The following MED21 variants were observed in gnomAD, a reference collection of about 807,000 sequenced individuals.
MED21 encodes mediator of RNA polymerase II transcription subunit 21.
MED21 carries 9 observed loss-of-function variants against 18.2 expected under a neutral mutation model. The observed-to-expected ratio is 0.49, with a 90% CI of 0.30 to 0.86. The LOEUF is 0.86. MED21 is among the 40% of genes least tolerant of loss of function. The probability of loss-of-function intolerance (pLI) is 0.07; values close to 1 mark genes in which losing one functional copy is unlikely to be tolerated. For synonymous variants in MED21, 73 were observed against 60.5 expected (o/e 1.21, Z -0.96); for missense variants, 150 against 170.9 (o/e 0.88, Z 0.68).
rs916729111 is a variant in MED21, at chr12:27,026,680, A to T, written c.157+146A>T. On this transcript the variant is annotated intron_variant, in intron 2 of 3. Coordinates refer to ENST00000282892, the MANE Select transcript of MED21 (RefSeq NM_004264.5). The stretch of plus-strand genomic sequence containing the variant: ...TTACAAGTTTTGTTTGTTGTAAAAA[A>T]TTTACAGTCAATTCACCTAACATCT... 5.8e-6 allele frequency: 4 copies of T among 684,956 alleles called. No individual in the cohort carries two copies. The African/African-American group carries it at 7.3e-5, about 13-fold the overall frequency. The allele number at this position is 684,956 out of a possible 1,614,324, so 42.4% of individuals were successfully genotyped here.
downstream of MED21, among the ~76,000 whole-genome samples, chr12:27,034,891 C>T (rs976273296): frequency 1.3e-5 from 2 of 152,172 alleles, no homozygotes; most frequent in Admixed American, 6.5e-5. Context: ...GCTGGGATTA[C>T]AGGCACCTGT....
chr12:27,035,228 C>G (rs1223585899), downstream of MED21, among the ~76,000 whole-genome samples: 2 of 152,066 alleles, frequency 1.3e-5, no homozygotes, highest in African/African-American at 4.8e-5. Context: ...ATAAAAACAA[C>G]AGGCAGTAAT....
chr12:27,025,488 A>G (rs1396672025), intron 1 of MED21, among the ~76,000 whole-genome samples: 1 of 152,232 alleles, frequency 6.6e-6, no homozygotes, highest in Non-Finnish European at 1.5e-5. Context: ...CTGGAAAACA[A>G]CAAGAAGACT....
At chr12:27,023,143 T>G (rs927464109) in intron 1 of MED21, among the ~76,000 whole-genome samples, 1 of 151,936 alleles carries the variant, frequency 6.6e-6, no homozygotes, top group African/African-American at 2.4e-5. Flanking sequence ...GGTGAGAGAT[T>G]TTCTTTCATC....
In MED21 at chr12:27,030,296, A is replaced by ATT; in HGVS notation, c.*1844_*1845dup. On this transcript the variant is annotated 3_prime_UTR_variant, in exon 4 of 4. Transcript: ENST00000282892. ...AGGCATGTACTACCACGTCCAGCTA[A>ATT]TTTTTTTTTTCTTTTTTTTTTAGAG... is the stretch of plus-strand genomic sequence containing the variant. 9 of 462,550 alleles carry ATT rather than the reference A, an allele frequency of 1.9e-5. No individual in the cohort carries two copies. Among genetic ancestry groups the ATT allele is most frequent in the South Asian group, 1.5e-4 (4 of 26,460 alleles). The allele number at this position is 462,550 out of a possible 1,614,324, so 28.7% of individuals were successfully genotyped here.
chr12:27,033,129 C>A (rs939127013), downstream of MED21, among the ~76,000 whole-genome samples: 22 of 152,138 alleles, frequency 1.4e-4, no homozygotes, highest in African/African-American at 5.3e-4. Flanking sequence ...GACCCTATTG[C>A]AATAGTTCCT....
intron 2 of MED21, 24 bp downstream of exon 2, chr12:27,026,558 C>G: frequency 1.4e-6 from 2 of 1,406,980 alleles, no homozygotes; most frequent in Non-Finnish European, 2.0e-6. Flanking sequence ...CTTAGCTTCT[C>G]TTAGTTTGAC....
intron 2 of MED21, among the ~76,000 whole-genome samples, chr12:27,027,136 T>G (rs1345604297): frequency 6.6e-6 from 1 of 151,896 alleles, no homozygotes; most frequent in Non-Finnish European, 1.5e-5. Context: ...ACCATGTTGG[T>G]CAGGCTGGTC....
chr12:27,033,191 A>G (rs1180803855), downstream of MED21, among the ~76,000 whole-genome samples: 1 of 152,196 alleles, frequency 6.6e-6, no homozygotes, highest in African/African-American at 2.4e-5. Flanking sequence ...GCAAAATACC[A>G]TAAGCTGATA....
rs1233846136 is a variant in MED21, at chr12:27,029,371, A to G, written c.*910A>G. ...ATAATTTGTGTCAGCATTTTCAACT[A>G]TGGTTATTCATCCAACCCTTGGATC... On this transcript the variant is annotated 3_prime_UTR_variant, in exon 4 of 4. Coordinates refer to ENST00000282892, the MANE Select transcript of MED21 (RefSeq NM_004264.5). The G allele has an allele frequency of 2.0e-5, 20 of 985,214 alleles. No individual in the cohort carries two copies. The highest frequency in any genetic ancestry group is 1.1e-4 in the East Asian group (1 of 8,826). The allele number at this position is 985,214 out of a possible 1,614,324, so 61.0% of individuals were successfully genotyped here. A position where few individuals can be genotyped will look rare whatever the true frequency, so the allele number is the denominator to read the frequency against.
chr12:27,036,718 T>G lies in MED21; in HGVS notation n.146+9271T>G, dbSNP rs564229584. 1.5e-3 allele frequency among the ~76,000 whole-genome samples: 230 copies of G among 152,364 alleles called. 1 individual carries two copies. The highest frequency in any genetic ancestry group is 0.013 in the Admixed American group (206 of 15,310). On this transcript the variant is annotated intron_variant and non_coding_transcript_variant, in intron 2 of 4. Coordinates refer to the MED21 transcript ENST00000538186. ...GGAATCCTTTCCCCATTGCTTGTTT[T>G]TCTCAGGTTTGTCAAAGATCAGATA...
downstream of MED21, among the ~76,000 whole-genome samples, chr12:27,034,734 C>T (rs1268109758): frequency 6.6e-6 from 1 of 152,166 alleles, no homozygotes; most frequent in African/African-American, 2.4e-5. Context: ...AGCCACCACA[C>T]CCGATTTGAC....
At chr12:27,035,403 CTTTT>C (rs374063412), downstream of MED21, among the ~76,000 whole-genome samples, 1 of 137,462 alleles carries the variant, frequency 7.3e-6, no homozygotes, top group African/African-American at 2.8e-5. Context: ...AACTAAATCT[CTTTT>C]TTTTTTTTTG....
chr12:27,032,480 C>G (rs1941626784), downstream of MED21, among the ~76,000 whole-genome samples: 2 of 152,154 alleles, frequency 1.3e-5, no homozygotes, highest in Admixed American at 1.3e-4. Flanking sequence ...TGAGGACATG[C>G]TAAATGTAGA....
chr12:27,022,578 A>G lies in MED21; in HGVS notation c.-2A>G, dbSNP rs1384308964. 14 of 1,561,630 alleles carry G rather than the reference A, an allele frequency of 9.0e-6. No homozygotes were observed. The East Asian group carries it at 3.2e-4, about 35-fold the overall frequency. ...TTGGCGTCTGTTTGCTGCGGTAGGA[A>G]CATGGCGGATCGGCTCACGCAGCTT... On this transcript the variant is annotated 5_prime_UTR_variant, in exon 1 of 4. Transcript: ENST00000282892.
chr12:27,030,284 C>T lies in MED21; in HGVS notation c.*1823C>T, dbSNP rs1292562206. ...AACTGGGACTACAGGCATGTACTAC[C>T]ACGTCCAGCTAATTTTTTTTTTCTT... On this transcript the variant is annotated 3_prime_UTR_variant, in exon 4 of 4. Transcript: ENST00000282892. 1.9e-6 allele frequency: 1 copy of T among 517,594 alleles called. No individual in the cohort carries two copies. The highest frequency in any genetic ancestry group is 3.5e-6 in the Non-Finnish European group (1 of 287,552). 32.1% of individuals were successfully genotyped at this position (517,594 alleles called of 1,614,324 possible).
chr12:27,029,269 T>C lies in MED21; in HGVS notation c.*808T>C. 1.0e-6 allele frequency: 1 copy of C among 985,390 alleles called. No homozygotes were observed. The highest frequency in any genetic ancestry group is 1.7e-5 in the African/African-American group (1 of 57,374). The allele number at this position is 985,390 out of a possible 1,614,324, so 61.0% of individuals were successfully genotyped here. A position where few individuals can be genotyped will look rare whatever the true frequency, so the allele number is the denominator to read the frequency against. On this transcript the variant is annotated 3_prime_UTR_variant, in exon 4 of 4. Transcript: ENST00000282892. ...TAACCTCTCAACTTTTATTGCTGTATTCTAGTCAGACCAGAACATACTTCC... is the reference window on the plus strand; with the variant it reads ...TAACCTCTCAACTTTTATTGCTGTACTCTAGTCAGACCAGAACATACTTCC...
chr12:27,022,570 C>A lies in MED21; in HGVS notation c.-10C>A. The stretch of plus-strand genomic sequence containing the variant: ...CAGCTGTTTTGGCGTCTGTTTGCTG[C>A]GGTAGGAACATGGCGGATCGGCTCA... On this transcript the variant is annotated 5_prime_UTR_variant, in exon 1 of 4. Transcript: ENST00000282892. 3 of 1,541,520 alleles carry A rather than the reference C, an allele frequency of 1.9e-6. No individual in the cohort carries two copies. The highest frequency in any genetic ancestry group is 8.8e-7 in the Non-Finnish European group (1 of 1,137,474).
downstream of MED21, among the ~76,000 whole-genome samples, chr12:27,035,495 A>T (rs552679383): frequency 5.4e-4 from 81 of 149,198 alleles, no homozygotes; most frequent in Non-Finnish European, 8.7e-4. Context: ...TGTGCAGGTT[A>T]GTTACATATG....
Sources: gnomAD v4.1 joint callset for allele counts (sites outside exome capture counted in the v4.1 genomes callset) on GRCh38, gnomAD v4.1.1 for gene constraint, MANE v1.5 for transcripts, NCBI Gene and HGNC (gene_info 2026-07-23, HGNC 2026-07-21) for gene names.